Variants in OPCML observed in about 807,000 individuals in gnomAD.
OPCML encodes opioid-binding protein/cell adhesion molecule.
A neutral mutation model predicts 37.8 loss-of-function variants in OPCML; 13 were observed. That is an observed-to-expected ratio of 0.34 (90% CI 0.22 to 0.55). OPCML has a LOEUF of 0.55. Ranked by LOEUF, OPCML falls within the 20% of genes least tolerant of loss-of-function variation. The pLI is 0.91. For synonymous variants in OPCML, 176 were observed against 168.8 expected, an observed-to-expected ratio of 1.04 and a Z score of -0.33; for missense variants, 341 against 435.6, an observed-to-expected ratio of 0.78 and a Z score of 1.93.
chr11:133,100,077 C>A (rs12577041), intron 1 of OPCML, among the ~76,000 whole-genome samples: 4,770 of 152,178 alleles, frequency 0.031, 256 homozygotes, highest in East Asian at 0.27. Context: ...AACCAGAAAA[C>A]CAAATACCAT....
intron 3 of OPCML, among the ~76,000 whole-genome samples, chr11:132,548,960 C>A (rs1240426892): frequency 1.3e-5 from 2 of 152,096 alleles, no homozygotes; most frequent in South Asian, 4.1e-4. Flanking sequence ...CAATAAATGC[C>A]ACCCAGGATT....
intron 6 of OPCML, 119 bp downstream of exon 6, chr11:132,436,540 G>A: frequency 2.7e-6 from 4 of 1,490,594 alleles, no homozygotes; most frequent in Non-Finnish European, 3.6e-6. Context: ...ACAAAAGAGG[G>A]CATAGTATAT....
At chr11:133,253,517 C>T (rs1435349850) in intron 1 of OPCML, among the ~76,000 whole-genome samples, 4 of 152,232 alleles carry the variant, frequency 2.6e-5, no homozygotes, top group South Asian at 4.2e-4. Context: ...ACCATGTTGG[C>T]CAGGCTGGTC....
intron 2 of OPCML, among the ~76,000 whole-genome samples, chr11:132,767,800 A>G (rs532534094): frequency 6.6e-6 from 1 of 151,386 alleles, no homozygotes; most frequent in South Asian, 2.1e-4. Context: ...AATATTCAAT[A>G]TAATAGCTTG....
intron 1 of OPCML, chr11:133,297,954 G>C (rs1384939648): frequency 6.6e-6 from 1 of 152,172 alleles, no homozygotes; most frequent in East Asian, 1.9e-4. Context: ...TATTACTACT[G>C]TTCCCTCCTC....
At chr11:132,599,229 T>G (rs1937657885) in intron 3 of OPCML, among the ~76,000 whole-genome samples, 1 of 152,050 alleles carries the variant, frequency 6.6e-6, no homozygotes, top group Non-Finnish European at 1.5e-5. Context: ...GAGGTTGCAG[T>G]AAGCCGAGAT....
intron 2 of OPCML, among the ~76,000 whole-genome samples, chr11:132,694,357 C>G (rs907637812): frequency 6.6e-6 from 1 of 151,952 alleles, no homozygotes; most frequent in Non-Finnish European, 1.5e-5. Flanking sequence ...TGCCACCACG[C>G]CCGGCTAATT....
In OPCML at chr11:132,593,454, C is replaced by A. The variant is rs571555557; in HGVS notation, c.379+63633G>T. 9.8e-4 allele frequency among the ~76,000 whole-genome samples: 149 copies of A among 152,226 alleles called. 3 individuals carry two copies. The South Asian group carries it at 0.03, about 30-fold the overall frequency. The stretch of plus-strand genomic sequence containing the variant: ...CCATTGTATTCCAAACACAATTAGA[C>A]CACATTCAAGAATTTAACTGCGAAA... On this transcript the variant is annotated intron_variant, in intron 3 of 7. Coordinates refer to ENST00000524381, the MANE Select transcript of OPCML (RefSeq NM_001012393.5).
chr11:132,881,623 T>A (rs74838557), intron 2 of OPCML, among the ~76,000 whole-genome samples: 12 of 98,882 alleles, frequency 1.2e-4, no homozygotes, highest in Non-Finnish European at 1.4e-4. Flanking sequence ...TTTAAAAAAA[T>A]AATAATAATA....
intron 2 of OPCML, among the ~76,000 whole-genome samples, chr11:132,848,464 G>A (rs190814921): frequency 1.7e-3 from 265 of 152,336 alleles, no homozygotes; most frequent in Middle Eastern, 3.4e-3. Flanking sequence ...CCTTGTGGAT[G>A]CACGCAGAAT....
At chr11:132,491,082 T>C (rs2096214222) in intron 4 of OPCML, among the ~76,000 whole-genome samples, 3 of 152,194 alleles carry the variant, frequency 2.0e-5, no homozygotes. Context: ...CAGCTGCAAC[T>C]CTTTCTCACC....
At chr11:133,221,588 G>A (rs1177753641) in intron 1 of OPCML, among the ~76,000 whole-genome samples, 1 of 152,140 alleles carries the variant, frequency 6.6e-6, no homozygotes, top group Non-Finnish European at 1.5e-5. Flanking sequence ...CCACGTCCAA[G>A]ACCCGCCCCT....
At chr11:133,260,953 A>G (rs148483891) in intron 1 of OPCML, among the ~76,000 whole-genome samples, 1 of 152,174 alleles carries the variant, frequency 6.6e-6, no homozygotes, top group Admixed American at 6.5e-5. Context: ...GACTTCCTGG[A>G]ACACTAATTT....
intron 3 of OPCML, among the ~76,000 whole-genome samples, chr11:132,632,088 A>G (rs1464710198): frequency 1.3e-5 from 2 of 151,706 alleles, no homozygotes; most frequent in Admixed American, 1.3e-4. Context: ...TGCCTGAAAG[A>G]GTCCCTCCTG....
At chr11:133,355,705 T>C (rs1272435640) in intron 1 of OPCML, among the ~76,000 whole-genome samples, 1 of 152,304 alleles carries the variant, frequency 6.6e-6, no homozygotes, top group Non-Finnish European at 1.5e-5. Context: ...CAAGAAATAA[T>C]TCCAGTGGTT....
At chr11:132,878,701 G>C (rs913851481) in intron 2 of OPCML, among the ~76,000 whole-genome samples, 1 of 150,992 alleles carries the variant, frequency 6.6e-6, no homozygotes, top group African/African-American at 2.4e-5. Context: ...TCTATATAGA[G>C]AGTGTCTATC....
At chr11:132,444,314 T>A (rs941064991) in intron 4 of OPCML, among the ~76,000 whole-genome samples, 4 of 152,202 alleles carry the variant, frequency 2.6e-5, no homozygotes, top group African/African-American at 4.8e-5. Flanking sequence ...GGGTTATGAA[T>A]AGGACTTCTC....
chr11:133,516,864 G>T (rs764668860), intron 1 of OPCML, among the ~76,000 whole-genome samples: 4 of 152,226 alleles, frequency 2.6e-5, no homozygotes, highest in Non-Finnish European at 5.9e-5. Flanking sequence ...TATTCTGGAT[G>T]CAGGTCTGTA....
At chr11:133,149,796 C>G (rs1565473832) in intron 1 of OPCML, among the ~76,000 whole-genome samples, 2 of 152,246 alleles carry the variant, frequency 1.3e-5, no homozygotes. Context: ...TCATTCTCAA[C>G]AGCAGACATC....
Sources: gnomAD v4.1 joint callset for allele counts (sites outside exome capture counted in the v4.1 genomes callset) on GRCh38, gnomAD v4.1.1 for gene constraint, MANE v1.5 for transcripts, NCBI Gene and HGNC (gene_info 2026-07-23, HGNC 2026-07-21) for gene names.